The following ANO3 variants were observed in gnomAD, a reference collection of about 807,000 sequenced individuals.
ANO3 encodes the protein anoctamin 3.
ANO3 carries 99 observed loss-of-function variants against 144.8 expected under a neutral mutation model. That is an observed-to-expected ratio of 0.68 (90% CI 0.58 to 0.81). The LOEUF (loss-of-function observed/expected upper bound fraction) is 0.81, where lower values mean the gene tolerates loss of function less well. Ranked by LOEUF, ANO3 falls within the 30% of genes least tolerant of loss-of-function variation. ANO3 has a pLI of 0.00. For synonymous variants in ANO3, 414 were observed against 392.6 expected, an observed-to-expected ratio of 1.05 and a Z score of -0.64; for missense variants, 905 against 1,202.2, an observed-to-expected ratio of 0.75 and a Z score of 3.66.
chr11:26,225,949 C>G (rs1487124571), intron 1 of ANO3, among the ~76,000 whole-genome samples: 1 of 152,096 alleles, frequency 6.6e-6, no homozygotes, highest in Non-Finnish European at 1.5e-5. Flanking sequence ...TTAGTAGAAG[C>G]CACTGAATGG....
intron 14 of ANO3, chr11:26,561,306 T>C: frequency 9.9e-7 from 1 of 1,014,184 alleles, no homozygotes; most frequent in South Asian, 2.4e-5. Flanking sequence ...GTTATAGGAA[T>C]TATTCTAGAT....
At chr11:26,387,387 A>G (rs973848795) in intron 1 of ANO3, among the ~76,000 whole-genome samples, 1 of 151,938 alleles carries the variant, frequency 6.6e-6, no homozygotes, top group East Asian at 1.9e-4. Context: ...CTTGCCTTCT[A>G]TGTAATCTGT....
intron 1 of ANO3, among the ~76,000 whole-genome samples, chr11:26,339,584 T>C (rs771051620): frequency 3.3e-5 from 5 of 151,956 alleles, no homozygotes; most frequent in Non-Finnish European, 5.9e-5. Context: ...CAGCTGTCTA[T>C]AGCTAGTTTC....
rs933791099 is a variant in ANO3 at position 26,599,530 on chromosome 11, T to A, written c.1672-20T>A. 1.9e-6 allele frequency: 3 copies of A among 1,599,840 alleles called. No individual in the cohort carries two copies. The Admixed American group carries it at 5.1e-5, about 27-fold the overall frequency. ...AATGATGTAAAATATGGATGTTTTT[T>A]CTGGTGTCCAATATTGTAGATATCC... On this transcript the variant is annotated intron_variant, in intron 16 of 26. Coordinates refer to ENST00000256737, the MANE Select transcript of ANO3 (RefSeq NM_031418.4).
intron 1 of ANO3, among the ~76,000 whole-genome samples, chr11:26,406,933 A>T (rs116519669): frequency 0.055 from 8,069 of 147,994 alleles, 255 homozygotes; most frequent in African/African-American, 0.088. Flanking sequence ...TATATATATA[A>T]ATACATCTGT....
At chr11:26,266,728 C>T (rs1466562027) in intron 1 of ANO3, among the ~76,000 whole-genome samples, 7 of 151,504 alleles carry the variant, frequency 4.6e-5, no homozygotes, top group Admixed American at 2.0e-4. Flanking sequence ...CCACCGTGCC[C>T]GGCCACCAAA....
At chr11:26,581,149 G>A (rs981117302) in intron 14 of ANO3, among the ~76,000 whole-genome samples, 5 of 152,094 alleles carry the variant, frequency 3.3e-5, no homozygotes, top group Non-Finnish European at 5.9e-5. Context: ...TAAGAGTCTC[G>A]GTTTGTTTAT....
chr11:26,240,141 A>G (rs774760520), intron 1 of ANO3, among the ~76,000 whole-genome samples: 22 of 152,174 alleles, frequency 1.4e-4, no homozygotes, highest in Non-Finnish European at 2.9e-4. Flanking sequence ...TATTCACCTC[A>G]TGCAGTCATT....
intron 17 of ANO3, among the ~76,000 whole-genome samples, chr11:26,623,827 C>T (rs193270195): frequency 6.6e-6 from 1 of 151,958 alleles, no homozygotes; most frequent in African/African-American, 2.4e-5. Flanking sequence ...CTCACTCTCG[C>T]CCAGGCTGGA....
chr11:26,338,333 G>A (rs1175069803), intron 1 of ANO3, among the ~76,000 whole-genome samples: 2 of 151,952 alleles, frequency 1.3e-5, no homozygotes, highest in Admixed American at 6.6e-5. Flanking sequence ...CGCACCAATC[G>A]GCATTCTGTA....
At chr11:26,498,734 C>T (rs1458097287) in intron 4 of ANO3, among the ~76,000 whole-genome samples, 1 of 151,648 alleles carries the variant, frequency 6.6e-6, no homozygotes, top group Non-Finnish European at 1.5e-5. Context: ...TCTTTTCTCT[C>T]AATTAGTCTC....
intron 14 of ANO3, among the ~76,000 whole-genome samples, chr11:26,586,521 T>TTTTTTC (rs1235546476): frequency 6.9e-6 from 1 of 145,812 alleles, no homozygotes; most frequent in African/African-American, 2.6e-5. Context: ...TTTTTTTTTT[T>TTTTTTC]GAGACATAGT....
chr11:26,628,088 A>G (rs565427226), intron 18 of ANO3, among the ~76,000 whole-genome samples: 2 of 152,310 alleles, frequency 1.3e-5, no homozygotes, highest in South Asian at 4.1e-4. Flanking sequence ...AATTAAAAGC[A>G]TTTACTTCAA....
In ANO3 at chr11:26,230,797, C is replaced by CAAAA. The variant is rs1168180646; in HGVS notation, c.154+41505_154+41508dup. 2.4e-3 allele frequency among the ~76,000 whole-genome samples: 27 copies of CAAAA among 11,308 alleles called. 1 individual carries two copies. The highest frequency in any genetic ancestry group is 2.7e-3 in the Non-Finnish European group (11 of 4,032). The allele number at this position is 11,308 out of a possible 152,430, so 7.4% of individuals were successfully genotyped here. A position where few individuals can be genotyped will look rare whatever the true frequency, so the allele number is the denominator to read the frequency against. ...GGGTGACAGAGCATGACTCCATCTC[C>CAAAA]AAAAAAAAAAAAAAAAAAAAAAAAA... On this transcript the variant is annotated intron_variant, in intron 1 of 27. Coordinates refer to the ANO3 transcript ENST00000672621.
intron 26 of ANO3, 116 bp downstream of exon 26, chr11:26,656,597 C>T (rs990562464): frequency 2.0e-5 from 14 of 685,794 alleles, no homozygotes; most frequent in African/African-American, 9.0e-5. Flanking sequence ...AAGTAGGTCC[C>T]GTAAAAGGCT....
At chr11:26,422,356 G>C (rs1231496810) in intron 1 of ANO3, among the ~76,000 whole-genome samples, 4 of 151,960 alleles carry the variant, frequency 2.6e-5, no homozygotes, top group Non-Finnish European at 4.4e-5. Flanking sequence ...TATCTGAATA[G>C]CAGCTTCTCC....
At chr11:26,201,897 A>G (rs1377565937) in intron 1 of ANO3, among the ~76,000 whole-genome samples, 1 of 151,704 alleles carries the variant, frequency 6.6e-6, no homozygotes, top group Non-Finnish European at 1.5e-5. Flanking sequence ...AGTTCTGAAC[A>G]TATAGCTATC....
At chr11:26,535,951 G>C (rs1849498492) in intron 9 of ANO3, among the ~76,000 whole-genome samples, 1 of 151,742 alleles carries the variant, frequency 6.6e-6, no homozygotes, top group South Asian at 2.1e-4. Flanking sequence ...TTATTACTGA[G>C]CATTCAAAAC....
chr11:26,234,124 A>G (rs1852463590), intron 1 of ANO3, among the ~76,000 whole-genome samples: 1 of 152,190 alleles, frequency 6.6e-6, no homozygotes, highest in Non-Finnish European at 1.5e-5. Flanking sequence ...AAAACAAAAC[A>G]GTATAACGTT....
Sources: gnomAD v4.1 joint callset for allele counts (sites outside exome capture counted in the v4.1 genomes callset) on GRCh38, gnomAD v4.1.1 for gene constraint, MANE v1.5 for transcripts, NCBI Gene and HGNC (gene_info 2026-07-23, HGNC 2026-07-21) for gene names.